ATP13A3: variants seen among roughly 807,000 people sequenced by gnomAD.
ATP13A3 encodes the protein polyamine-transporting ATPase 13A3.
A neutral mutation model predicts 158.1 loss-of-function variants in ATP13A3; 59 were observed. The observed-to-expected ratio is 0.37, with a 90% CI of 0.30 to 0.46. ATP13A3 has a LOEUF of 0.46. ATP13A3 is among the 20% of genes least tolerant of loss of function. ATP13A3 has a pLI of 1.00. For synonymous variants in ATP13A3, 491 were observed against 504.3 expected, an observed-to-expected ratio of 0.97 and a Z score of 0.35; for missense variants, 1,166 against 1,525.2, an observed-to-expected ratio of 0.76 and a Z score of 3.92.
intron 29 of ATP13A3, 39 bp downstream of exon 29, chr3:194,427,036 A>G (rs756643810): frequency 4.5e-6 from 7 of 1,568,772 alleles, no homozygotes; most frequent in Admixed American, 3.8e-5. Context: ...TATGTTGCAC[A>G]TATTTTATAT....
Position 194,441,306 on chromosome 3 carries a change from CT to C in ATP13A3, c.1710+4del. ...GTTATTTGTATTTTAAAATATTTGA[CT>C]TACCCATCCAATAGCCTCAAACATT... On this transcript the variant is annotated splice_donor_region_variant and intron_variant, in intron 16 of 33. Transcript: ENST00000645319. The C allele has an allele frequency of 6.3e-7, 1 of 1,599,024 alleles. No individual in the cohort carries two copies. The highest frequency in any genetic ancestry group is 8.5e-7 in the Non-Finnish European group (1 of 1,171,964).
chr3:194,410,669 G>C (rs1715340062), intron 33 of ATP13A3, among the ~76,000 whole-genome samples: 1 of 152,128 alleles, frequency 6.6e-6, no homozygotes, highest in South Asian at 2.1e-4. Flanking sequence ...AGCAAGGAGA[G>C]TCTTCCAATC....
chr3:194,449,157 A>C (rs997553613), intron 11 of ATP13A3, among the ~76,000 whole-genome samples: 1 of 152,104 alleles, frequency 6.6e-6, no homozygotes, highest in African/African-American at 2.4e-5. Context: ...TCTCTCAAAC[A>C]ACCACAAACA....
chr3:194,419,776 T>C (rs537419037), intron 31 of ATP13A3, 103 bp downstream of exon 31: 52 of 1,480,078 alleles, frequency 3.5e-5, no homozygotes, highest in African/African-American at 4.4e-5. Context: ...TTTGGGTTAA[T>C]ATAACAGCAT....
At chr3:194,488,008 A>C (rs1721075281), upstream of ATP13A3, 1 of 152,206 alleles carries the variant, frequency 6.6e-6, no homozygotes, top group Non-Finnish European at 1.5e-5. This position sits in a 1 kb window ranked among gnomAD's most constrained non-coding sequence, Gnocchi z 4.1. Flanking sequence ...GGGGCAGCAC[A>C]CCGCCCGAGT....
Position 194,438,991 on chromosome 3 carries a change from C to CA in ATP13A3, c.1711-20dup, listed in dbSNP as rs376853091. 3.1e-3 allele frequency: 4,220 copies of CA among 1,347,814 alleles called. 1 individual carries two copies. The highest frequency in any genetic ancestry group is 4.8e-3 in the African/African-American group (312 of 64,782). The allele number at this position is 1,347,814 out of a possible 1,614,324, so 83.5% of individuals were successfully genotyped here. A position where few individuals can be genotyped will look rare whatever the true frequency, so the allele number is the denominator to read the frequency against. ...CCAGAATCTGGAAAAAAAAAAGAGA[C>CA]AAAAAAAAACAAAAACACAACATTC... On this transcript the variant is annotated intron_variant, in intron 16 of 33. Coordinates refer to ENST00000645319, the MANE Select transcript of ATP13A3 (RefSeq NM_001367549.1).
chr3:194,465,896 C>T (rs938398510), intron 2 of ATP13A3, among the ~76,000 whole-genome samples: 1 of 151,694 alleles, frequency 6.6e-6, no homozygotes, highest in Non-Finnish European at 1.5e-5. Flanking sequence ...GCAGGAGAAT[C>T]GCTTGAATCC....
chr3:194,465,880 G>C (rs1019647619), intron 2 of ATP13A3, among the ~76,000 whole-genome samples: 1 of 152,000 alleles, frequency 6.6e-6, no homozygotes, highest in African/African-American at 2.4e-5. Flanking sequence ...TACTCAGGAG[G>C]GTGAGGCAGG....
Position 194,405,775 on chromosome 3 carries a change from G to T in ATP13A3, c.*144C>A. ...TATATTTTTCTGTTTTTATTTTAAG[G>T]AAGAGCAAAGCTGTCAAATAAGCTA... On this transcript the variant is annotated 3_prime_UTR_variant, in exon 34 of 34. Coordinates refer to ENST00000645319, the MANE Select transcript of ATP13A3 (RefSeq NM_001367549.1). The T allele has an allele frequency of 2.5e-6, 2 of 793,448 alleles. No individual in the cohort carries two copies. Among genetic ancestry groups the T allele is most frequent in the East Asian group, 2.7e-5 (1 of 37,598 alleles). 49.2% of individuals were successfully genotyped at this position (793,448 alleles called of 1,614,324 possible). A position where few individuals can be genotyped will look rare whatever the true frequency, so the allele number is the denominator to read the frequency against.
At chr3:194,410,937 G>GGTGTTGGGGGGT (rs1553794330) in intron 33 of ATP13A3, among the ~76,000 whole-genome samples, 1 of 127,230 alleles carries the variant, frequency 7.9e-6, no homozygotes, top group African/African-American at 3.3e-5. Flanking sequence ...GGGGTGTTGG[G>GGTGTTGGGGGGT]GTGTGTGTGT....
chr3:194,442,111 T>C (rs1054637416), intron 15 of ATP13A3, among the ~76,000 whole-genome samples: 1 of 152,176 alleles, frequency 6.6e-6, no homozygotes, highest in Non-Finnish European at 1.5e-5. Flanking sequence ...GAGCAAGGAT[T>C]GAAACACAGG....
upstream of ATP13A3, among the ~76,000 whole-genome samples, chr3:194,490,670 C>T (rs916333540): frequency 6.6e-6 from 1 of 152,160 alleles, no homozygotes; most frequent in African/African-American, 2.4e-5. This position sits in a 1 kb window ranked among gnomAD's most constrained non-coding sequence, Gnocchi z 4.4. Context: ...GGATGGGCTT[C>T]AGAAGGATCT....
Position 194,448,067 on chromosome 3 carries a change from C to G in ATP13A3, c.1151-58G>C, listed in dbSNP as rs1009045463. 2.8e-4 allele frequency: 402 copies of G among 1,433,756 alleles called. No individual in the cohort carries two copies. Among genetic ancestry groups the G allele is most frequent in the Non-Finnish European group, 3.8e-4 (397 of 1,037,966 alleles). 88.8% of individuals were successfully genotyped at this position (1,433,756 alleles called of 1,614,324 possible). ...TTATAAGAAAATGAGAATTATCTCC[C>G]AAAACAGAATCTCTCTTTTTTTTTT... On this transcript the variant is annotated intron_variant, in intron 12 of 33. Transcript: ENST00000645319. This position sits in a 1 kb window ranked among gnomAD's most constrained non-coding sequence, Gnocchi z 4.0.
chr3:194,476,349 C>T (rs1212145091), intron 2 of ATP13A3, among the ~76,000 whole-genome samples: 3 of 152,194 alleles, frequency 2.0e-5, no homozygotes. Context: ...GTGCTTCAGA[C>T]CCACAGATTC....
chr3:194,452,170 C>G (rs1577069803), intron 10 of ATP13A3: 1 of 152,398 alleles, frequency 6.6e-6, no homozygotes, highest in East Asian at 1.9e-4. Flanking sequence ...GCCTGGCCAA[C>G]AAGGTTGACA....
At chr3:194,453,889 T>C (rs915888339) in intron 9 of ATP13A3, 111 bp from the exon 10 acceptor site, 12 of 772,714 alleles carry the variant, frequency 1.6e-5, no homozygotes, top group Non-Finnish European at 2.6e-5. Context: ...TCACTCCATC[T>C]TTATAAAATG....
chr3:194,420,073 T>C (rs1217001148), intron 30 of ATP13A3, 106 bp from the exon 31 acceptor site: 2 of 1,218,126 alleles, frequency 1.6e-6, no homozygotes, highest in South Asian at 1.9e-5. Flanking sequence ...TGGTTTTGAA[T>C]ACTTTCACTT....
rs1716163977 is a variant in ATP13A3 at position 194,419,900 on chromosome 3, G to A, written c.3381C>T (p.Ala1127=). The A allele has an allele frequency of 6.4e-7, 1 of 1,563,390 alleles. No homozygotes were observed. Among genetic ancestry groups the A allele is most frequent in the South Asian group, 1.2e-5 (1 of 80,588 alleles). ...FILFIMLYPV[A]SVDQVLQIVC... The stretch of plus-strand genomic sequence containing the variant: ...TTACCTGAAGAACCTGGTCAACAGA[G>A]GCAACTGGATACAACATGATGAATA... The change falls in exon 31 of 34, where the codon GCC becomes GCT. Residue 1127 remains alanine, a synonymous_variant. Coordinates refer to ENST00000645319, the MANE Select transcript of ATP13A3 (RefSeq NM_001367549.1).
At position 194,441,359 on chromosome 3, in the gene ATP13A3, C is replaced by T; in HGVS notation, c.1662G>A (p.Val554=). The T allele has an allele frequency of 6.2e-7, 1 of 1,613,704 alleles. No homozygotes were observed. The stretch of plus-strand genomic sequence containing the variant: ...TCAGATCAAGTGGATCACCAGAGAG[C>T]ACTCCTTCAATTTTTGTAAGTGAAT... The part of the protein sequence containing the change: ...TCHSLTKIEG[V]LSGDPLDLKM... The change falls in exon 16 of 34, where the codon GTG becomes GTA. Residue 554 remains valine, a synonymous_variant. Coordinates refer to ENST00000645319, the MANE Select transcript of ATP13A3 (RefSeq NM_001367549.1).
Sources: allele counts gnomAD v4.1 joint callset (sites outside exome capture counted in the v4.1 genomes callset), GRCh38; gene constraint gnomAD v4.1.1; non-coding constraint Gnocchi (gnomAD v3.1); transcripts MANE v1.5; gene names NCBI Gene and HGNC (gene_info 2026-07-23, HGNC 2026-07-21).